PGM5: variants seen among roughly 807,000 people sequenced by gnomAD.
The protein encoded by PGM5 is phosphoglucomutase-like protein 5.
Under a neutral mutation model 59.2 loss-of-function variants are expected in PGM5, and 23 were observed. The observed-to-expected ratio is 0.39, with a 90% CI of 0.28 to 0.55. The LOEUF is 0.55. PGM5 is among the 20% of genes least tolerant of loss of function. The probability of loss-of-function intolerance (pLI) is 0.66; values close to 1 mark genes in which losing one functional copy is unlikely to be tolerated. For synonymous variants in PGM5, 214 were observed against 286.0 expected (o/e 0.75, Z 2.54); for missense variants, 574 against 748.3 (o/e 0.77, Z 2.72).
intron 10 of PGM5, among the ~76,000 whole-genome samples, chr9:68,528,391 C>G (rs1238736481): frequency 6.6e-6 from 1 of 152,120 alleles, no homozygotes; most frequent in Admixed American, 6.5e-5. Flanking sequence ...ACTATAGGCA[C>G]ACACCACTGC....
At chr9:68,495,670 G>T (rs1280308121) in intron 9 of PGM5, among the ~76,000 whole-genome samples, 2 of 152,192 alleles carry the variant, frequency 1.3e-5, no homozygotes, top group Admixed American at 1.3e-4. Flanking sequence ...GTGGTGAGAG[G>T]TAAGTTGATT....
intron 1 of PGM5, among the ~76,000 whole-genome samples, chr9:68,358,634 A>T (rs1411223599): frequency 6.6e-6 from 1 of 151,928 alleles, no homozygotes; most frequent in Non-Finnish European, 1.5e-5. Flanking sequence ...CTTCCTTCCC[A>T]ACCCTCTCCT....
intron 1 of PGM5, among the ~76,000 whole-genome samples, chr9:68,372,942 G>A (rs1352047232): frequency 3.3e-5 from 5 of 152,016 alleles, no homozygotes; most frequent in Non-Finnish European, 5.9e-5. Flanking sequence ...TGAGGGACTC[G>A]CCCCCATGAT....
At position 68,514,179 on chromosome 9, in the gene PGM5, C is replaced by T. The variant is rs80166205; in HGVS notation, c.1614+14818C>T. On this transcript the variant is annotated intron_variant, in intron 10 of 10. Coordinates refer to ENST00000396396, the MANE Select transcript of PGM5 (RefSeq NM_021965.4). ...ATGTGCACATTAAAGTTTGAGAAGT[C>T]CTAATGCTGGGCGTGGTGGCATTAG... 1.3e-4 allele frequency among the ~76,000 whole-genome samples: 20 copies of T among 152,240 alleles called. No individual in the cohort carries two copies. The East Asian group carries it at 3.9e-3, about 29-fold the overall frequency.
At chr9:68,441,164 C>T (rs1476777798) in intron 6 of PGM5, among the ~76,000 whole-genome samples, 1 of 151,852 alleles carries the variant, frequency 6.6e-6, no homozygotes, top group Non-Finnish European at 1.5e-5. Flanking sequence ...TAGTTTAAAA[C>T]CTTCCAAAAA....
At chr9:68,388,662 A>G (rs1212568300) in intron 4 of PGM5, among the ~76,000 whole-genome samples, 4 of 152,024 alleles carry the variant, frequency 2.6e-5, no homozygotes, top group Non-Finnish European at 4.4e-5. Flanking sequence ...TTTATTCTAC[A>G]CTTGCCCTTG....
At chr9:68,363,365 A>T (rs1554676414) in intron 1 of PGM5, among the ~76,000 whole-genome samples, 1 of 152,304 alleles carries the variant, frequency 6.6e-6, no homozygotes, top group Non-Finnish European at 1.5e-5. Context: ...CTTAATTTTA[A>T]TTAATTAAAA....
chr9:68,381,231 C>T (rs1264958645), intron 2 of PGM5, among the ~76,000 whole-genome samples: 2 of 151,868 alleles, frequency 1.3e-5, no homozygotes, highest in Non-Finnish European at 1.5e-5. Flanking sequence ...TGGGATTTAT[C>T]CCTGACATGC....
intron 9 of PGM5, among the ~76,000 whole-genome samples, chr9:68,485,054 A>G (rs1173407534): frequency 6.6e-6 from 1 of 152,214 alleles, no homozygotes; most frequent in Non-Finnish European, 1.5e-5. Flanking sequence ...GGAATGGTCT[A>G]ATCCGCACTC....
At chr9:68,487,447 C>CTCTCTCTCTCTG (rs10648860) in intron 9 of PGM5, among the ~76,000 whole-genome samples, 4 of 146,628 alleles carry the variant, frequency 2.7e-5, no homozygotes, top group East Asian at 2.0e-4. Context: ...CTCTCTCTCT[C>CTCTCTCTCTCTG]TGTGTCACAC....
intron 6 of PGM5, chr9:68,393,921 T>C (rs1554679757): frequency 1.3e-5 from 2 of 152,128 alleles, no homozygotes; most frequent in Non-Finnish European, 2.9e-5. Flanking sequence ...ATTTGTATAC[T>C]ACACAATAAC....
intron 8 of PGM5, among the ~76,000 whole-genome samples, chr9:68,482,442 A>G (rs1176511381): frequency 3.9e-5 from 6 of 152,190 alleles, no homozygotes; most frequent in Non-Finnish European, 8.8e-5. Flanking sequence ...TAGGAGGAAG[A>G]GAATAAAAGA....
intron 1 of PGM5, among the ~76,000 whole-genome samples, chr9:68,373,793 A>C (rs548357563): frequency 9.9e-5 from 15 of 152,222 alleles, no homozygotes; most frequent in Non-Finnish European, 2.1e-4. Flanking sequence ...CCTGGTGGGC[A>C]AAGACTCTTG....
At chr9:68,366,348 C>G (rs1280011503) in intron 1 of PGM5, among the ~76,000 whole-genome samples, 3 of 152,170 alleles carry the variant, frequency 2.0e-5, no homozygotes, top group African/African-American at 7.2e-5. Flanking sequence ...GCACAATATA[C>G]ACCACTAAAA....
chr9:68,507,991 T>C (rs1212710116), intron 10 of PGM5, among the ~76,000 whole-genome samples: 2 of 152,206 alleles, frequency 1.3e-5, no homozygotes, highest in Non-Finnish European at 2.9e-5. Flanking sequence ...CCAGGGCTTT[T>C]TACAGTTTTG....
chr9:68,493,038 T>C (rs1824423705), intron 9 of PGM5, among the ~76,000 whole-genome samples: 1 of 152,188 alleles, frequency 6.6e-6, no homozygotes, highest in Admixed American at 6.5e-5. Context: ...GCCAACTGAC[T>C]ATATATGCGA....
At chr9:68,480,045 C>T (rs1483314094) in intron 8 of PGM5, among the ~76,000 whole-genome samples, 2 of 152,140 alleles carry the variant, frequency 1.3e-5, no homozygotes, top group African/African-American at 4.8e-5. Flanking sequence ...TGGAAGGCAC[C>T]AATTTCCTTT....
chr9:68,432,448 AC>A (rs1377294490), intron 6 of PGM5, among the ~76,000 whole-genome samples: 1 of 151,870 alleles, frequency 6.6e-6, no homozygotes, highest in Non-Finnish European at 1.5e-5. Context: ...TGATCGGCCC[AC>A]CTCAGCCTCT....
chr9:68,456,847 A>G (rs996338188), intron 6 of PGM5, among the ~76,000 whole-genome samples: 1 of 150,482 alleles, frequency 6.6e-6, no homozygotes, highest in South Asian at 2.1e-4. Flanking sequence ...GCTGGTTTTG[A>G]ACTCCTGAAC....
Sources: allele counts gnomAD v4.1 joint callset (sites outside exome capture counted in the v4.1 genomes callset), GRCh38; gene constraint gnomAD v4.1.1; transcripts MANE v1.5; gene names NCBI Gene and HGNC (gene_info 2026-07-23, HGNC 2026-07-21).